The following TRAPPC9 variants were observed in gnomAD, a reference collection of about 807,000 sequenced individuals.
TRAPPC9 encodes the protein trafficking protein particle complex subunit 9, also known as IKK2 binding protein.
TRAPPC9 carries 83 observed loss-of-function variants against 124.0 expected under a neutral mutation model. The ratio of observed to expected loss-of-function variants is 0.67; its 90% CI spans 0.56 to 0.80. The LOEUF (loss-of-function observed/expected upper bound fraction) is 0.80. Among genes scored for constraint, TRAPPC9 ranks in the 30% least tolerant of loss-of-function variants. The pLI is 0.00. For missense variants in TRAPPC9, 1,302 were observed against 1,508.3 expected (o/e 0.86, Z 2.27); for synonymous variants, 638 against 617.5 (o/e 1.03, Z -0.49).
At chr8:140,179,993 A>T (rs201640224) in intron 17 of TRAPPC9, among the ~76,000 whole-genome samples, 67 of 90,020 alleles carry the variant, frequency 7.4e-4, no homozygotes, top group East Asian at 3.4e-3. Flanking sequence ...TTATATCTTG[A>T]TTTTTTTTTT....
intron 17 of TRAPPC9, among the ~76,000 whole-genome samples, chr8:140,129,023 T>G (rs2061153019): frequency 7.6e-6 from 1 of 132,374 alleles, no homozygotes; most frequent in Admixed American, 8.0e-5. Context: ...AAAAGAAGAC[T>G]CCTCTCCTAC....
At chr8:140,210,268 G>A (rs543755604) in intron 17 of TRAPPC9, among the ~76,000 whole-genome samples, 5 of 152,328 alleles carry the variant, frequency 3.3e-5, no homozygotes, top group East Asian at 1.9e-4. Flanking sequence ...GCAGGGCCAC[G>A]CCGCTGTCTT....
At chr8:140,055,110 C>G (rs1206925254) in intron 17 of TRAPPC9, among the ~76,000 whole-genome samples, 1 of 152,168 alleles carries the variant, frequency 6.6e-6, no homozygotes, top group Non-Finnish European at 1.5e-5. Context: ...AGGCTAATAA[C>G]CCTGATTAAC....
At chr8:139,795,117 C>T (rs1000333985) in intron 21 of TRAPPC9, among the ~76,000 whole-genome samples, 14 of 152,196 alleles carry the variant, frequency 9.2e-5, no homozygotes, top group Non-Finnish European at 7.3e-5. Flanking sequence ...CCAAAGACAA[C>T]GGGCAGGCAC....
Position 139,907,014 on chromosome 8 carries a change from G to A in TRAPPC9, c.2964+3133C>T, listed in dbSNP as rs551582701. 7.9e-5 allele frequency among the ~76,000 whole-genome samples: 12 copies of A among 152,302 alleles called. No individual in the cohort carries two copies. The highest frequency in any genetic ancestry group is 2.1e-4 in the South Asian group (1 of 4,826). On this transcript the variant is annotated intron_variant, in intron 20 of 22. Coordinates refer to ENST00000438773, the MANE Select transcript of TRAPPC9 (RefSeq NM_001160372.4). The surrounding 1 kb of genome is among the most constrained non-coding windows in gnomAD (Gnocchi z 4.7). ...AGATCTCCACCTACTCCTGCCAGGC[G>A]TGACCTGAGGGAAGCTCCCATCAGC...
intron 21 of TRAPPC9, among the ~76,000 whole-genome samples, chr8:139,762,044 G>A (rs1820269231): frequency 6.6e-6 from 1 of 151,758 alleles, no homozygotes; most frequent in African/African-American, 2.4e-5. Flanking sequence ...TGGGCTCCCA[G>A]GCCCAAGGAT....
At chr8:140,075,790 T>C (rs765835936) in intron 17 of TRAPPC9, among the ~76,000 whole-genome samples, 11 of 152,210 alleles carry the variant, frequency 7.2e-5, no homozygotes, top group Non-Finnish European at 1.5e-4. Context: ...GTCTGTGATA[T>C]TTCTAGGGCT....
At chr8:140,297,322 GCA>G (rs2065833382) in intron 11 of TRAPPC9, among the ~76,000 whole-genome samples, 1 of 147,314 alleles carries the variant, frequency 6.8e-6, no homozygotes, top group Admixed American at 6.7e-5. Flanking sequence ...ACACATGCAT[GCA>G]CACACTCATA....
At chr8:140,352,208 T>C (rs150282206) in intron 9 of TRAPPC9, among the ~76,000 whole-genome samples, 129 of 152,384 alleles carry the variant, frequency 8.5e-4, no homozygotes, top group Admixed American at 4.4e-3. Context: ...AGTTCACTTG[T>C]GGTGTGGCTG....
intron 19 of TRAPPC9, 101 bp downstream of exon 19, chr8:139,988,625 T>A: frequency 1.3e-6 from 1 of 776,700 alleles, no homozygotes; most frequent in Non-Finnish European, 2.2e-6. Context: ...AAACTGCCCA[T>A]CCTCTGAGGA....
At chr8:139,743,782 C>G (rs966948163) in intron 21 of TRAPPC9, among the ~76,000 whole-genome samples, 6 of 152,220 alleles carry the variant, frequency 3.9e-5, no homozygotes, top group African/African-American at 1.4e-4. Context: ...ATAAAACCCT[C>G]TCATTTCCAA....
rs559428375 is a variant in TRAPPC9, at chr8:139,825,712, G to A, written c.3055+60167C>T. Among the ~76,000 whole-genome samples, 13 of 152,208 alleles carry A rather than the reference G, an allele frequency of 8.5e-5. No homozygotes were observed. Among genetic ancestry groups the A allele is most frequent in the East Asian group, 1.9e-4 (1 of 5,166 alleles). ...GACACAGCCAGTGATCAGACGCCCC[G>A]TGGAGGATACCGCCGAGCAGCCAGC... On this transcript the variant is annotated intron_variant, in intron 21 of 22. Transcript: ENST00000438773. This position sits in a 1 kb window ranked among gnomAD's most constrained non-coding sequence, Gnocchi z 4.6.
intron 21 of TRAPPC9, among the ~76,000 whole-genome samples, chr8:139,838,349 G>A (rs775865489): frequency 1.3e-5 from 2 of 152,220 alleles, no homozygotes; most frequent in Non-Finnish European, 2.9e-5. Flanking sequence ...CTGCTGGACT[G>A]CAAGCTCTGG....
chr8:139,754,903 G>A (rs1016306383), intron 21 of TRAPPC9, among the ~76,000 whole-genome samples: 6 of 152,182 alleles, frequency 3.9e-5, no homozygotes, highest in African/African-American at 1.4e-4. Context: ...TCTGTCAAAC[G>A]GGCAAAACGT....
intron 19 of TRAPPC9, chr8:139,931,967 A>G (rs2131387638): frequency 4.9e-6 from 1 of 205,208 alleles, no homozygotes; most frequent in Non-Finnish European, 1.0e-5. Flanking sequence ...CCACACATCC[A>G]AATTAGAAAA....
chr8:140,439,075 A>G lies in TRAPPC9; in HGVS notation c.707T>C (p.Val236Ala). 6.2e-7 allele frequency: 1 copy of G among 1,614,192 alleles called. No individual in the cohort carries two copies. The change falls in exon 3 of 23, where the codon GTG (valine) becomes GCG (alanine). Residue 236 changes from valine (V) to alanine (A), a missense_variant. This residue lies in a region of TRAPPC9 where 657 missense variants were observed against 811.2 expected (regional missense o/e 0.81). Coordinates refer to ENST00000438773, the MANE Select transcript of TRAPPC9 (RefSeq NM_001160372.4). ...ACCTCCAAGCCACAGAAAGTCATTCACAGAACGCAGCAGCTCCACCGACAT... is the reference window on the plus strand; with the variant it reads ...ACCTCCAAGCCACAGAAAGTCATTCGCAGAACGCAGCAGCTCCACCGACAT... Reference protein sequence around the residue: ...YHMSVELLRSVNDFLWLGAAL... With the variant: ...YHMSVELLRSANDFLWLGAAL...
intron 17 of TRAPPC9, among the ~76,000 whole-genome samples, chr8:140,027,588 C>CA (rs796280842): frequency 3.9e-5 from 6 of 152,048 alleles, no homozygotes; most frequent in African/African-American, 9.6e-5. Flanking sequence ...TAGAAAACCA[C>CA]AAAAAAGATA....
At chr8:139,834,473 G>T (rs1013206848) in intron 21 of TRAPPC9, among the ~76,000 whole-genome samples, 2 of 152,234 alleles carry the variant, frequency 1.3e-5, no homozygotes, top group African/African-American at 4.8e-5. Flanking sequence ...GAGGAAGGGG[G>T]GCGGGCACAG....
chr8:140,193,629 A>G (rs1412663003), intron 17 of TRAPPC9, among the ~76,000 whole-genome samples: 3 of 150,520 alleles, frequency 2.0e-5, no homozygotes, highest in Admixed American at 2.0e-4. Flanking sequence ...TCAGAAAAAA[A>G]AAAAAAAAAA....
Sources: gnomAD v4.1 joint callset for allele counts (sites outside exome capture counted in the v4.1 genomes callset) on GRCh38, gnomAD v4.1.1 for gene constraint, gnomAD v4.1.1 regional missense constraint, Gnocchi (gnomAD v3.1) non-coding constraint, MANE v1.5 for transcripts, NCBI Gene and HGNC (gene_info 2026-07-23, HGNC 2026-07-21) for gene names.